The following CLCN6 variants were observed in gnomAD, a reference collection of about 807,000 sequenced individuals.
CLCN6 encodes H(+)/Cl(-) exchange transporter 6.
CLCN6 carries 70 observed loss-of-function variants against 109.8 expected under a neutral mutation model. The observed-to-expected ratio is 0.64, with a 90% CI of 0.53 to 0.78. The LOEUF (loss-of-function observed/expected upper bound fraction) is 0.78, where lower values mean the gene tolerates loss of function less well. CLCN6 is among the 30% of genes least tolerant of loss of function. CLCN6 has a pLI of 0.00. For missense variants in CLCN6, 984 were observed against 1,142.3 expected, an observed-to-expected ratio of 0.86 and a Z score of 2.00; for synonymous variants, 444 against 447.8, an observed-to-expected ratio of 0.99 and a Z score of 0.11.
chr1:11,833,776 G>T (rs1305850485), intron 14 of CLCN6, 101 bp from the exon 15 acceptor site: 4 of 1,560,112 alleles, frequency 2.6e-6, no homozygotes, highest in Non-Finnish European at 2.6e-6. Context: ...TGCCTCCTGT[G>T]TTGGAAGGGG....
intron 2 of CLCN6, among the ~76,000 whole-genome samples, chr1:11,811,662 G>A (rs1284207210): frequency 2.0e-5 from 3 of 152,112 alleles, no homozygotes; most frequent in South Asian, 4.1e-4. Flanking sequence ...GATTACAGAC[G>A]TGAGCCACTG....
In CLCN6 at chr1:11,833,583, C is replaced by G; in HGVS notation, c.1317C>G (p.Ala439=). 1 of 1,614,024 alleles carries G rather than the reference C, an allele frequency of 6.2e-7. No individual in the cohort carries two copies. The highest frequency in any genetic ancestry group is 8.5e-7 in the Non-Finnish European group (1 of 1,180,020). Reference sequence around the variant, plus strand: ...CCAATGATACCTACAATGACATGGCCACACTCTTCTTCAACCCGCAGGAGT... The same window carrying G: ...CCAATGATACCTACAATGACATGGCGACACTCTTCTTCAACCCGCAGGAGT... ...FCPNDTYNDM[A]TLFFNPQESA... Residue 439 remains alanine (A), a synonymous_variant, in exon 14 of 23, where the codon GCC becomes GCG. Coordinates refer to ENST00000346436, the MANE Select transcript of CLCN6 (RefSeq NM_001286.5).
intron 14 of CLCN6, 108 bp downstream of exon 14, chr1:11,833,746 C>A: frequency 1.3e-6 from 2 of 1,567,272 alleles, no homozygotes; most frequent in South Asian, 1.2e-5. Flanking sequence ...TAACGCCCAC[C>A]CAGACAAAAG....
intron 21 of CLCN6, 41 bp downstream of exon 21, chr1:11,838,483 T>A (rs1413506931): frequency 6.2e-7 from 1 of 1,608,020 alleles, no homozygotes. Flanking sequence ...CGGAGCTGCC[T>A]CTTCATGCCG....
At position 11,823,742 on chromosome 1, in the gene CLCN6, A is replaced by G. The variant is rs1385508669; in HGVS notation, c.489A>G (p.Lys163=). 2 of 1,614,266 alleles carry G rather than the reference A, an allele frequency of 1.2e-6. No individual in the cohort carries two copies. Among genetic ancestry groups the G allele is most frequent in the Admixed American group, 1.7e-5 (1 of 60,032 alleles). The change falls in exon 7 of 23, where the codon AAA becomes AAG. Residue 163 remains lysine (K), a synonymous_variant. Transcript: ENST00000346436. The stretch of plus-strand genomic sequence containing the variant: ...CAGGTTCCGGGATACCCGAGGTCAA[A>G]TGCTATCTGAATGGCGTAAAGGTGC... The part of the protein sequence containing the change: ...VAAGSGIPEV[K]CYLNGVKVPG...
chr1:11,822,078 G>T (rs146017026), intron 5 of CLCN6, among the ~76,000 whole-genome samples: 1 of 146,698 alleles, frequency 6.8e-6, no homozygotes, highest in East Asian at 2.0e-4. Context: ...AAGGAAAACT[G>T]TTTTTTTTTT....
Position 11,833,557 on chromosome 1 carries a change from C to T in CLCN6, c.1291C>T (p.Pro431Ser). 1.2e-6 allele frequency: 2 copies of T among 1,613,300 alleles called. No homozygotes were observed. Among genetic ancestry groups the T allele is most frequent in the South Asian group, 1.1e-5 (1 of 91,030 alleles). Residue 431 changes from proline (P) to serine (S), a missense_variant, in exon 14 of 23, where the codon CCC becomes TCC. Transcript: ENST00000346436. ...TTCAAGTATCAAGACATTTTTTTGT[C>T]CCAATGATACCTACAATGACATGGC... ...VNSSIKTFFC[P>S]NDTYNDMATL...
chr1:11,842,385 G>C lies in CLCN6; in HGVS notation c.*2162G>C, dbSNP rs1236855848. 3 of 152,724 alleles carry C rather than the reference G, an allele frequency of 2.0e-5. No individual in the cohort carries two copies. The highest frequency in any genetic ancestry group is 7.2e-5 in the African/African-American group (3 of 41,454). The allele number at this position is 152,724 out of a possible 1,614,324, so 9.5% of individuals were successfully genotyped here. On this transcript the variant is annotated 3_prime_UTR_variant, in exon 23 of 23. Transcript: ENST00000346436. ...GGCTGCCAAGGAGGCCCCAAACCCA[G>C]GCCCCATGCAAAGGCACGTGGTTTC...
In CLCN6 at chr1:11,841,183, C is replaced by G. The variant is rs1387429418; in HGVS notation, c.*960C>G. 1 of 152,644 alleles carries G rather than the reference C, an allele frequency of 6.6e-6. No individual in the cohort carries two copies. The highest frequency in any genetic ancestry group is 6.5e-5 in the Admixed American group (1 of 15,280). 9.5% of individuals were successfully genotyped at this position (152,644 alleles called of 1,614,324 possible). A position where few individuals can be genotyped will look rare whatever the true frequency, so the allele number is the denominator to read the frequency against. On this transcript the variant is annotated 3_prime_UTR_variant, in exon 23 of 23. Transcript: ENST00000346436. ...TTTTTTCCAAAGTAGAAAGGAAGCA[C>G]TTCTGAGCCAGTGACCACTGAAAGG...
chr1:11,826,849 CA>C (rs1399736491), intron 9 of CLCN6, among the ~76,000 whole-genome samples: 3 of 152,072 alleles, frequency 2.0e-5, no homozygotes. Context: ...ACACAGAGGT[CA>C]GGGGCTCCTG....
intron 9 of CLCN6, 54 bp from the exon 10 acceptor site, chr1:11,827,035 C>CT: frequency 1.3e-6 from 2 of 1,597,612 alleles, no homozygotes; most frequent in Non-Finnish European, 1.7e-6. Flanking sequence ...CAGAAACCAC[C>CT]TTTTGGGGGC....
chr1:11,819,111 A>G (rs1341328243), intron 4 of CLCN6, among the ~76,000 whole-genome samples: 1 of 152,192 alleles, frequency 6.6e-6, no homozygotes, highest in Non-Finnish European at 1.5e-5. Flanking sequence ...AGCTGTCATT[A>G]GTGTATTTTA....
chr1:11,829,203 G>A lies in CLCN6; in HGVS notation c.1129G>A (p.Glu377Lys), dbSNP rs1216440112. Residue 377 changes from glutamate (E) to lysine (K), a missense_variant, in exon 13 of 23, where the codon GAG becomes AAG. Glu to Lys is a moderately conservative substitution (Grantham distance 56). Coordinates refer to ENST00000346436, the MANE Select transcript of CLCN6 (RefSeq NM_001286.5). ...CTGTGCTTTGCCTCCTAGAGTCTTA[G>A]AGAGCCTCCTTGTGTCTCTGGTAAC... Reference protein sequence around the residue: ...HPKPKLVRVLESLLVSLVTTV... With the variant: ...HPKPKLVRVLKSLLVSLVTTV... The A allele has an allele frequency of 6.2e-7, 1 of 1,613,884 alleles. No individual in the cohort carries two copies. Among genetic ancestry groups the A allele is most frequent in the East Asian group, 2.2e-5 (1 of 44,894 alleles).
chr1:11,810,505 C>G (rs1481054848), intron 2 of CLCN6, among the ~76,000 whole-genome samples: 2 of 152,320 alleles, frequency 1.3e-5, no homozygotes, highest in African/African-American at 4.8e-5. Context: ...GATGCCCCTT[C>G]CTGGTTGAAT....
chr1:11,838,413 C>T lies in CLCN6; in HGVS notation c.2374C>T (p.Leu792=), dbSNP rs1570543940. ...GTACCCCGACATCCACGACCTGGAC[C>T]TGACGCTGCTCAACCCGCGCATGAT... The part of the protein sequence containing the change: ...PRYPDIHDLD[L]TLLNPRMIVD... The change falls in exon 21 of 23, where the codon CTG becomes TTG. Residue 792 remains leucine, a synonymous_variant. Coordinates refer to ENST00000346436, the MANE Select transcript of CLCN6 (RefSeq NM_001286.5). 6.2e-7 allele frequency: 1 copy of T among 1,614,186 alleles called. No individual in the cohort carries two copies. The highest frequency in any genetic ancestry group is 8.5e-7 in the Non-Finnish European group (1 of 1,180,054).
chr1:11,835,032 C>G (rs1305934662), intron 17 of CLCN6, among the ~76,000 whole-genome samples: 1 of 152,244 alleles, frequency 6.6e-6, no homozygotes, highest in African/African-American at 2.4e-5. Flanking sequence ...GGTACCTGGG[C>G]TTCCTGTGTC....
In CLCN6 at chr1:11,840,528, T is replaced by C. The variant is rs1339690192; in HGVS notation, c.*305T>C. The C allele has an allele frequency of 6.1e-6, 3 of 488,376 alleles. No individual in the cohort carries two copies. In the East Asian group the frequency reaches 1.1e-4, roughly 18 times the overall value. 30.3% of individuals were successfully genotyped at this position (488,376 alleles called of 1,614,324 possible). A position where few individuals can be genotyped will look rare whatever the true frequency, so the allele number is the denominator to read the frequency against. ...ACCAGAGCCAGAAGCAGAGGTAGAA[T>C]CAGGCGGGCCCCGGGCTGCACTCCG... On this transcript the variant is annotated 3_prime_UTR_variant, in exon 23 of 23. Transcript: ENST00000346436.
chr1:11,811,039 C>T (rs185843481), intron 2 of CLCN6, among the ~76,000 whole-genome samples: 3 of 152,116 alleles, frequency 2.0e-5, no homozygotes, highest in Admixed American at 2.0e-4. Context: ...GGCGAGACTC[C>T]ATCTCAACAA....
chr1:11,815,963 A>T (rs889518775), intron 3 of CLCN6, 52 bp downstream of exon 3: 1 of 1,399,548 alleles, frequency 7.1e-7, no homozygotes, highest in Non-Finnish European at 1.0e-6. Context: ...TTAACATGGC[A>T]TTTTTTTTCT....
Sources: allele counts gnomAD v4.1 joint callset (sites outside exome capture counted in the v4.1 genomes callset), GRCh38; gene constraint gnomAD v4.1.1; transcripts MANE v1.5; gene names NCBI Gene and HGNC (gene_info 2026-07-23, HGNC 2026-07-21).